The following GRIN2A variants were observed in gnomAD, a reference collection of about 807,000 sequenced individuals.
GRIN2A encodes glutamate ionotropic receptor NMDA type subunit 2A, also known as glutamate receptor ionotropic, NMDA 2A.
In GRIN2A, 22 loss-of-function variants were observed where a neutral mutation model predicts 113.4. The ratio of observed to expected loss-of-function variants is 0.19; its 90% confidence interval spans 0.14 to 0.28. GRIN2A has a LOEUF of 0.28. Ranked by LOEUF, GRIN2A falls within the 10% of genes least tolerant of loss-of-function variation. The probability of loss-of-function intolerance (pLI) is 1.00; values close to 1 mark genes in which losing one functional copy is unlikely to be tolerated. For synonymous variants in GRIN2A, 827 were observed against 738.4 expected, an observed-to-expected ratio of 1.12 and a Z score of -1.94; for missense variants, 1,502 against 1,887.0, an observed-to-expected ratio of 0.80 and a Z score of 3.78.
chr16:9,889,441 A>G (rs1373386486), intron 4 of GRIN2A, among the ~76,000 whole-genome samples: 1 of 151,850 alleles, frequency 6.6e-6, no homozygotes, highest in Non-Finnish European at 1.5e-5. Context: ...ATTTTTTTCT[A>G]TGGCTTGTGT....
At chr16:10,091,743 A>T (rs1374356877) in intron 2 of GRIN2A, among the ~76,000 whole-genome samples, 1 of 152,246 alleles carries the variant, frequency 6.6e-6, no homozygotes, top group Non-Finnish European at 1.5e-5. Flanking sequence ...CAAAGACATT[A>T]TGCTAAGTGA....
chr16:9,916,234 A>G (rs756783872), intron 3 of GRIN2A, among the ~76,000 whole-genome samples: 124 of 152,330 alleles, frequency 8.1e-4, no homozygotes, highest in Non-Finnish European at 1.2e-3. Flanking sequence ...ATAATTATTA[A>G]TTATGTCTAA....
At chr16:9,998,987 C>A (rs1198008285) in intron 2 of GRIN2A, among the ~76,000 whole-genome samples, 1 of 152,100 alleles carries the variant, frequency 6.6e-6, no homozygotes, top group African/African-American at 2.4e-5. Flanking sequence ...CTTTAGTCAG[C>A]TCAGAGCCAA....
chr16:9,857,371 A>T (rs565807472), intron 4 of GRIN2A, among the ~76,000 whole-genome samples: 1 of 152,352 alleles, frequency 6.6e-6, no homozygotes, highest in East Asian at 1.9e-4. Context: ...TAATCAGAGA[A>T]ACTGGGCATT....
intron 4 of GRIN2A, among the ~76,000 whole-genome samples, chr16:9,851,994 G>A (rs1268055662): frequency 6.6e-6 from 1 of 152,098 alleles, no homozygotes; most frequent in Non-Finnish European, 1.5e-5. Context: ...TAGTAATATA[G>A]AACTTTGCGC....
chr16:10,036,590 G>A (rs1218399277), intron 2 of GRIN2A, among the ~76,000 whole-genome samples: 4 of 148,722 alleles, frequency 2.7e-5, no homozygotes, highest in African/African-American at 7.4e-5. Context: ...ACAGGCACCC[G>A]CCACAACGCC....
At chr16:10,104,910 C>T (rs920911151) in intron 2 of GRIN2A, among the ~76,000 whole-genome samples, 1 of 152,122 alleles carries the variant, frequency 6.6e-6, no homozygotes, top group Admixed American at 6.5e-5. Context: ...ACACCTGAAA[C>T]TCCACGATAT....
At chr16:9,768,215 A>C (rs1901037513) in intron 12 of GRIN2A, among the ~76,000 whole-genome samples, 1 of 151,730 alleles carries the variant, frequency 6.6e-6, no homozygotes, top group Admixed American at 6.6e-5. Context: ...CGCCCGGCTA[A>C]TTTTTTGTGT....
intron 2 of GRIN2A, among the ~76,000 whole-genome samples, chr16:10,053,832 T>G (rs923252140): frequency 2.0e-5 from 3 of 152,012 alleles, no homozygotes; most frequent in African/African-American, 7.3e-5. Flanking sequence ...TATTTGAATA[T>G]GGAATGACAA....
chr16:10,036,696 T>A (rs1286535814), intron 2 of GRIN2A, among the ~76,000 whole-genome samples: 1 of 151,920 alleles, frequency 6.6e-6, no homozygotes, highest in East Asian at 1.9e-4. Context: ...TCCGCCCACC[T>A]CGGCCTCCCA....
intron 2 of GRIN2A, among the ~76,000 whole-genome samples, chr16:10,002,259 T>C (rs879538589): frequency 6.6e-6 from 1 of 152,246 alleles, no homozygotes; most frequent in Non-Finnish European, 1.5e-5. Flanking sequence ...GAACTGATAG[T>C]TCCTCTGAGC....
At chr16:9,821,076 C>A (rs568970901) in intron 10 of GRIN2A, among the ~76,000 whole-genome samples, 5 of 152,124 alleles carry the variant, frequency 3.3e-5, no homozygotes, top group Admixed American at 2.6e-4. Context: ...CTCTGTCTCC[C>A]CCTACCAGAC....
At chr16:10,047,584 A>T (rs1047512174) in intron 2 of GRIN2A, among the ~76,000 whole-genome samples, 2 of 152,190 alleles carry the variant, frequency 1.3e-5, no homozygotes, top group African/African-American at 4.8e-5. Context: ...TTGGTGCTCC[A>T]CCTGAACTGC....
intron 10 of GRIN2A, among the ~76,000 whole-genome samples, chr16:9,809,707 G>A (rs1470152228): frequency 2.0e-5 from 3 of 152,178 alleles, no homozygotes; most frequent in Non-Finnish European, 4.4e-5. Flanking sequence ...TAGTGGAGAT[G>A]CTGGGCATGC....
chr16:10,009,961 A>G (rs2046475990), intron 2 of GRIN2A, among the ~76,000 whole-genome samples: 1 of 152,202 alleles, frequency 6.6e-6, no homozygotes, highest in Non-Finnish European at 1.5e-5. Context: ...GAGGTTCCTA[A>G]AGATGCTGGC....
At chr16:10,029,490 C>T (rs977077148) in intron 2 of GRIN2A, among the ~76,000 whole-genome samples, 4 of 152,024 alleles carry the variant, frequency 2.6e-5, no homozygotes, top group Admixed American at 6.6e-5. Flanking sequence ...GCTGCAGTCA[C>T]GTAGACTCAA....
intron 3 of GRIN2A, among the ~76,000 whole-genome samples, chr16:9,911,653 C>T (rs1567171363): frequency 6.6e-6 from 1 of 152,270 alleles, no homozygotes; most frequent in South Asian, 2.1e-4. Context: ...AACTTAGGAA[C>T]AAGGAAGTGC....
chr16:9,983,696 C>T (rs2045931390), intron 2 of GRIN2A, among the ~76,000 whole-genome samples: 1 of 152,178 alleles, frequency 6.6e-6, no homozygotes, highest in Non-Finnish European at 1.5e-5. Flanking sequence ...GCCTTGGCCT[C>T]CCAAAGTGCT....
At chr16:10,017,013 T>G (rs973437997) in intron 2 of GRIN2A, among the ~76,000 whole-genome samples, 1 of 152,242 alleles carries the variant, frequency 6.6e-6, no homozygotes, top group Admixed American at 6.5e-5. Flanking sequence ...GAGAAATGAT[T>G]GTTTACCAAC....
Sources: gnomAD v4.1 joint callset for allele counts (sites outside exome capture counted in the v4.1 genomes callset) on GRCh38, gnomAD v4.1.1 for gene constraint, MANE v1.5 for transcripts, NCBI Gene and HGNC (gene_info 2026-07-23, HGNC 2026-07-21) for gene names.